The following ZNF804B variants were observed in gnomAD, a reference collection of about 807,000 sequenced individuals.
ZNF804B encodes the protein zinc finger protein 804B.
ZNF804B carries 80 observed loss-of-function variants against 101.4 expected under a neutral mutation model. The ratio of observed to expected loss-of-function variants is 0.79; its 90% CI spans 0.66 to 0.95. ZNF804B has a LOEUF of 0.95. Among genes scored for constraint, ZNF804B ranks in the 40% least tolerant of loss-of-function variants. The pLI, the probability that ZNF804B is intolerant of heterozygous loss-of-function variation, is 0.00. For missense variants in ZNF804B, 1,673 were observed against 1,561.9 expected, an observed-to-expected ratio of 1.07 and a Z score of -1.20; for synonymous variants, 622 against 558.8, an observed-to-expected ratio of 1.11 and a Z score of -1.59.
chr7:89,037,626 A>G (rs1055116741), intron 1 of ZNF804B, among the ~76,000 whole-genome samples: 5 of 151,868 alleles, frequency 3.3e-5, no homozygotes, highest in African/African-American at 1.2e-4. Context: ...TATTGTATCC[A>G]TTGCCTCACA....
At chr7:89,272,037 A>G (rs1214834230) in intron 2 of ZNF804B, among the ~76,000 whole-genome samples, 1 of 152,092 alleles carries the variant, frequency 6.6e-6, no homozygotes, top group Non-Finnish European at 1.5e-5. Context: ...CAAAATTCTT[A>G]GTATGAAATT....
intron 1 of ZNF804B, among the ~76,000 whole-genome samples, chr7:88,977,743 G>A (rs1793636100): frequency 6.6e-6 from 1 of 150,674 alleles, no homozygotes; most frequent in Non-Finnish European, 1.5e-5. Flanking sequence ...TTTCTGATTT[G>A]ATCTTTATTT....
At chr7:89,029,662 A>C in intron 1 of ZNF804B, among the ~76,000 whole-genome samples, 1 of 152,210 alleles carries the variant, frequency 6.6e-6, no homozygotes, top group East Asian at 1.9e-4. Context: ...CAACTTCATC[A>C]GCGGGGTCAT....
At chr7:88,826,635 AG>A (rs1791054582) in intron 1 of ZNF804B, among the ~76,000 whole-genome samples, 2 of 46,518 alleles carry the variant, frequency 4.3e-5, no homozygotes, top group Admixed American at 5.4e-4. Flanking sequence ...TGAATTCCAA[AG>A]CATCTTTATT....
intron 1 of ZNF804B, among the ~76,000 whole-genome samples, chr7:88,950,540 T>G (rs182995310): frequency 2.0e-5 from 3 of 152,024 alleles, no homozygotes; most frequent in African/African-American, 7.2e-5. Context: ...GTAGAACATA[T>G]AAGACTTAAT....
At chr7:88,951,575 G>A (rs1337247251) in intron 1 of ZNF804B, among the ~76,000 whole-genome samples, 3 of 151,866 alleles carry the variant, frequency 2.0e-5, no homozygotes, top group Non-Finnish European at 4.4e-5. Context: ...AAAGTTTTAA[G>A]ATGTACTTAC....
chr7:89,126,773 T>C (rs1050546939), intron 1 of ZNF804B, among the ~76,000 whole-genome samples: 7 of 152,050 alleles, frequency 4.6e-5, no homozygotes, highest in African/African-American at 1.7e-4. Flanking sequence ...CTATTTCTCT[T>C]CTTTAAATTA....
chr7:89,176,620 G>A (rs1469814972), intron 1 of ZNF804B, among the ~76,000 whole-genome samples: 1 of 42,314 alleles, frequency 2.4e-5, no homozygotes, highest in African/African-American at 1.2e-4. Flanking sequence ...ATGTTTCCTT[G>A]CCTGGTTTTG....
chr7:89,277,166 A>G (rs1398557559), intron 2 of ZNF804B, among the ~76,000 whole-genome samples: 4 of 149,132 alleles, frequency 2.7e-5, no homozygotes, highest in African/African-American at 9.8e-5. Context: ...AAAATGTTAT[A>G]TATAGATACA....
At chr7:89,331,996 A>G (rs1462540517) in intron 3 of ZNF804B, among the ~76,000 whole-genome samples, 1 of 151,324 alleles carries the variant, frequency 6.6e-6, no homozygotes, top group Non-Finnish European at 1.5e-5. Flanking sequence ...TTATACATAC[A>G]TATATGTATA....
intron 1 of ZNF804B, among the ~76,000 whole-genome samples, chr7:88,935,844 C>T (rs972811125): frequency 1.3e-5 from 2 of 151,802 alleles, no homozygotes; most frequent in African/African-American, 4.8e-5. Context: ...AGGACTGAAC[C>T]TCCTTAGAAT....
intron 1 of ZNF804B, among the ~76,000 whole-genome samples, chr7:88,767,317 C>T (rs1262948057): frequency 3.3e-5 from 5 of 152,182 alleles, no homozygotes; most frequent in Non-Finnish European, 5.9e-5. Context: ...TGTTCTTCCC[C>T]TGCCCTTCTT....
chr7:88,984,977 CAAAT>C (rs1398667408), intron 1 of ZNF804B, among the ~76,000 whole-genome samples: 1 of 151,786 alleles, frequency 6.6e-6, no homozygotes, highest in African/African-American at 2.4e-5. Flanking sequence ...TAAAAAGAAA[CAAAT>C]AAAAAGTAAA....
intron 1 of ZNF804B, among the ~76,000 whole-genome samples, chr7:89,176,922 A>G (rs955100665): frequency 2.6e-5 from 4 of 152,200 alleles, no homozygotes; most frequent in African/African-American, 7.2e-5. Context: ...ATTAACTGGC[A>G]TATAGTTGCT....
intron 1 of ZNF804B, among the ~76,000 whole-genome samples, chr7:89,190,557 T>C (rs1788441179): frequency 6.6e-6 from 1 of 152,128 alleles, no homozygotes; most frequent in Admixed American, 6.6e-5. Flanking sequence ...TTACATAAAC[T>C]TAGTTGATAA....
At chr7:88,833,440 A>G (rs1313796116) in intron 1 of ZNF804B, among the ~76,000 whole-genome samples, 2 of 151,926 alleles carry the variant, frequency 1.3e-5, no homozygotes, top group Non-Finnish European at 1.5e-5. Context: ...AAAAAAGTCA[A>G]GTGATTACAT....
intron 2 of ZNF804B, among the ~76,000 whole-genome samples, chr7:89,233,147 C>G (rs1789225508): frequency 6.6e-6 from 1 of 152,068 alleles, no homozygotes; most frequent in African/African-American, 2.4e-5. Context: ...AGGATGGTCT[C>G]CATCTCCTGA....
intron 2 of ZNF804B, among the ~76,000 whole-genome samples, chr7:89,229,243 T>G (rs1677087839): frequency 6.6e-6 from 1 of 152,194 alleles, no homozygotes; most frequent in African/African-American, 2.4e-5. Flanking sequence ...GAGGAGGCGC[T>G]GAGAGTGAGC....
intron 1 of ZNF804B, among the ~76,000 whole-genome samples, chr7:88,973,922 T>C (rs892901107): frequency 6.6e-6 from 1 of 151,418 alleles, no homozygotes; most frequent in African/African-American, 2.4e-5. Flanking sequence ...TTCCTGTTCT[T>C]ATGAGAAAAT....
Sources: allele counts gnomAD v4.1 joint callset (sites outside exome capture counted in the v4.1 genomes callset), GRCh38; gene constraint gnomAD v4.1.1; transcripts MANE v1.5; gene names NCBI Gene and HGNC (gene_info 2026-07-23, HGNC 2026-07-21).